The following PTPRN2 variants were observed in gnomAD, a reference collection of about 807,000 sequenced individuals.
PTPRN2 encodes protein tyrosine phosphatase receptor type N2, also known as receptor-type tyrosine-protein phosphatase N2.
PTPRN2 carries 74 observed loss-of-function variants against 118.8 expected under a neutral mutation model. The ratio of observed to expected loss-of-function variants is 0.62; its 90% confidence interval spans 0.52 to 0.76. The LOEUF is 0.76. Ranked by LOEUF, PTPRN2 falls within the 30% of genes least tolerant of loss-of-function variation. The pLI is 0.00. For synonymous variants in PTPRN2, 641 were observed against 608.0 expected (o/e 1.05, Z -0.80); for missense variants, 1,481 against 1,394.4 (o/e 1.06, Z -0.99).
In PTPRN2 at chr7:158,580,909, A is replaced by G. The variant is rs144377365; in HGVS notation, c.112+6649T>C. ...AAAAATAAGTCGCCCATTTCCAAACATCAAAATTCCCTCAGAAGGCACACC... is the reference window on the plus strand; with the variant it reads ...AAAAATAAGTCGCCCATTTCCAAACGTCAAAATTCCCTCAGAAGGCACACC... On this transcript the variant is annotated intron_variant, in intron 1 of 22. Coordinates refer to ENST00000389418, the MANE Select transcript of PTPRN2 (RefSeq NM_002847.5). Among the ~76,000 whole-genome samples the G allele has an allele frequency of 6.6e-3, 1,001 of 152,294 alleles. 8 individuals carry two copies. The highest frequency in any genetic ancestry group is 0.023 in the African/African-American group (944 of 41,540).
chr7:157,577,189 C>G (rs1456937362), intron 18 of PTPRN2, among the ~76,000 whole-genome samples: 1 of 152,232 alleles, frequency 6.6e-6, no homozygotes, highest in Non-Finnish European at 1.5e-5. Flanking sequence ...CTAAGTGAGA[C>G]TCCGTCGCAG....
At chr7:157,844,775 C>A (rs577060422) in intron 12 of PTPRN2, among the ~76,000 whole-genome samples, 4 of 152,192 alleles carry the variant, frequency 2.6e-5, no homozygotes, top group African/African-American at 9.7e-5. Flanking sequence ...TCAGCGGCTC[C>A]GCAGGGGTGA....
intron 12 of PTPRN2, among the ~76,000 whole-genome samples, chr7:157,843,593 G>A (rs1196596756): frequency 6.6e-6 from 1 of 152,230 alleles, no homozygotes; most frequent in Admixed American, 6.5e-5. Flanking sequence ...GGGAGGGCAG[G>A]TGGAGAGACG....
At chr7:157,597,501 G>T (rs1009451341) in intron 16 of PTPRN2, among the ~76,000 whole-genome samples, 3 of 150,240 alleles carry the variant, frequency 2.0e-5, no homozygotes, top group African/African-American at 7.4e-5. Flanking sequence ...TTTTTGCCCA[G>T]AGCAATTTCT....
At chr7:158,390,892 CCA>C (rs1217816278) in intron 2 of PTPRN2, among the ~76,000 whole-genome samples, 1 of 152,166 alleles carries the variant, frequency 6.6e-6, no homozygotes, top group Non-Finnish European at 1.5e-5. Flanking sequence ...AGATGAAAAC[CCA>C]TCCCCCACGG....
chr7:158,520,955 G>A (rs1309811213), intron 1 of PTPRN2, among the ~76,000 whole-genome samples: 5 of 152,068 alleles, frequency 3.3e-5, no homozygotes, highest in East Asian at 3.9e-4. Flanking sequence ...TGAGGGCCTG[G>A]CCGAGATCTC....
At chr7:158,309,380 C>T (rs1274015799) in intron 3 of PTPRN2, among the ~76,000 whole-genome samples, 2 of 152,234 alleles carry the variant, frequency 1.3e-5, no homozygotes, top group Non-Finnish European at 2.9e-5. Context: ...ATGCTTCCTG[C>T]CTTCGAACCT....
At chr7:158,112,500 C>T (rs966876886) in intron 9 of PTPRN2, among the ~76,000 whole-genome samples, 5 of 152,118 alleles carry the variant, frequency 3.3e-5, no homozygotes, top group Non-Finnish European at 5.9e-5. Flanking sequence ...CACGGCTGTC[C>T]GGTGGGGAGC....
chr7:158,314,940 G>A (rs112396788), intron 3 of PTPRN2, among the ~76,000 whole-genome samples: 314 of 101,370 alleles, frequency 3.1e-3, no homozygotes, highest in Middle Eastern at 0.014. Flanking sequence ...AGGTGAACCC[G>A]GGACCCCCTA....
intron 10 of PTPRN2, among the ~76,000 whole-genome samples, chr7:158,100,244 G>GT (rs1815117889): frequency 6.8e-6 from 1 of 147,316 alleles, no homozygotes; most frequent in Non-Finnish European, 1.5e-5. Context: ...TATTCCATGG[G>GT]GTGTGTGTGT....
At chr7:158,210,306 T>G (rs1226417225) in intron 3 of PTPRN2, among the ~76,000 whole-genome samples, 1 of 151,906 alleles carries the variant, frequency 6.6e-6, no homozygotes, top group Non-Finnish European at 1.5e-5. Flanking sequence ...TGGCTAATTT[T>G]TTGTATTTTT....
chr7:158,431,794 C>G (rs1400610162), intron 2 of PTPRN2, among the ~76,000 whole-genome samples: 1 of 151,984 alleles, frequency 6.6e-6, no homozygotes, highest in Non-Finnish European at 1.5e-5. Context: ...CACACTGGCT[C>G]ACACCGGGCA....
chr7:157,650,655 C>T (rs767441115), intron 14 of PTPRN2, among the ~76,000 whole-genome samples: 38 of 152,162 alleles, frequency 2.5e-4, no homozygotes, highest in Admixed American at 8.5e-4. Flanking sequence ...CACGTGGGAA[C>T]GATGGAATGG....
Position 157,892,163 on chromosome 7 carries a change from T to C in PTPRN2, c.1788+6510A>G, listed in dbSNP as rs190530834. The stretch of plus-strand genomic sequence containing the variant: ...GGACCTCTGTGTCTATCACGATGCT[T>C]AGAAGCTAGAACGCTGGGCAGGGGA... On this transcript the variant is annotated intron_variant, in intron 12 of 22. Coordinates refer to ENST00000389418, the MANE Select transcript of PTPRN2 (RefSeq NM_002847.5). Among the ~76,000 whole-genome samples, 1,300 of 150,018 alleles carry C rather than the reference T, an allele frequency of 8.7e-3. 45 individuals carry two copies. The highest frequency in any genetic ancestry group is 0.042 in the Middle Eastern group (12 of 284).
rs765038416 is a variant in PTPRN2 at position 157,771,684 on chromosome 7, CAT to C, written c.1789-88749_1789-88748del. ...AGAGACACACAAACACACAGACACA[CAT>C]GCAGACACACAAACACACAGACACA... is the stretch of plus-strand genomic sequence containing the variant. On this transcript the variant is annotated intron_variant, in intron 12 of 22. Coordinates refer to ENST00000389418, the MANE Select transcript of PTPRN2 (RefSeq NM_002847.5). 1.5e-3 allele frequency among the ~76,000 whole-genome samples: 232 copies of C among 152,056 alleles called. 1 individual carries two copies. Among genetic ancestry groups the C allele is most frequent in the South Asian group, 3.1e-3 (15 of 4,804 alleles).
At chr7:157,559,619 G>A (rs574513109) in intron 21 of PTPRN2, among the ~76,000 whole-genome samples, 5 of 152,290 alleles carry the variant, frequency 3.3e-5, no homozygotes, top group South Asian at 2.1e-4. Flanking sequence ...GTGACTGCCC[G>A]GCAGCAGGGA....
chr7:158,347,078 GT>G (rs1409902649), intron 2 of PTPRN2, among the ~76,000 whole-genome samples: 1 of 152,024 alleles, frequency 6.6e-6, no homozygotes, highest in Non-Finnish European at 1.5e-5. Flanking sequence ...TAACTGTTTT[GT>G]TTGCTGTGTA....
At chr7:158,302,990 T>TA (rs1184118372) in intron 3 of PTPRN2, among the ~76,000 whole-genome samples, 1 of 152,164 alleles carries the variant, frequency 6.6e-6, no homozygotes, top group East Asian at 1.9e-4. Flanking sequence ...AACAAGAATG[T>TA]AAAAATGTAA....
At chr7:158,236,472 C>A (rs1479548731) in intron 3 of PTPRN2, among the ~76,000 whole-genome samples, 1 of 152,182 alleles carries the variant, frequency 6.6e-6, no homozygotes, top group Non-Finnish European at 1.5e-5. Context: ...CCCTCAGAAC[C>A]TCAAGCAAAG....
Sources: gnomAD v4.1 joint callset for allele counts (sites outside exome capture counted in the v4.1 genomes callset) on GRCh38, gnomAD v4.1.1 for gene constraint, MANE v1.5 for transcripts, NCBI Gene and HGNC (gene_info 2026-07-23, HGNC 2026-07-21) for gene names.